Variants in LRMDA observed in about 807,000 individuals in gnomAD.
LRMDA encodes the protein leucine rich melanocyte differentiation associated.
In LRMDA, 18 loss-of-function variants were observed where a neutral mutation model predicts 29.8. That is an observed-to-expected ratio of 0.60 (90% CI 0.42 to 0.90). The LOEUF is 0.90. LRMDA is among the 40% of genes least tolerant of loss of function. The pLI is 0.00. For missense variants in LRMDA, 273 were observed against 273.9 expected, an observed-to-expected ratio of 1.00 and a Z score of 0.02; for synonymous variants, 125 against 109.4, an observed-to-expected ratio of 1.14 and a Z score of -0.89.
At chr10:76,033,878 G>C (rs1457600432) in intron 2 of LRMDA, among the ~76,000 whole-genome samples, 1 of 151,988 alleles carries the variant, frequency 6.6e-6, no homozygotes, top group Non-Finnish European at 1.5e-5. Context: ...CTTGCTGCAC[G>C]CCTCCTCTGT....
chr10:75,585,161 C>G (rs1179834071), intron 2 of LRMDA, among the ~76,000 whole-genome samples: 1 of 152,206 alleles, frequency 6.6e-6, no homozygotes, highest in Non-Finnish European at 1.5e-5. Context: ...TACCCTTTCT[C>G]TCACCAAGGG....
At chr10:76,361,210 G>A (rs916928923) in intron 6 of LRMDA, among the ~76,000 whole-genome samples, 3 of 151,634 alleles carry the variant, frequency 2.0e-5, no homozygotes, top group Non-Finnish European at 2.9e-5. Flanking sequence ...GCAGTGAGTC[G>A]AGATTGCACC....
intron 2 of LRMDA, among the ~76,000 whole-genome samples, chr10:75,477,914 C>G (rs957851724): frequency 6.6e-6 from 1 of 152,250 alleles, no homozygotes; most frequent in African/African-American, 2.4e-5. Flanking sequence ...TACTATTCCT[C>G]TTCTAATTAC....
chr10:76,169,771 G>C (rs1017841023), intron 5 of LRMDA, among the ~76,000 whole-genome samples: 4 of 152,168 alleles, frequency 2.6e-5, no homozygotes, highest in African/African-American at 9.7e-5. Flanking sequence ...GGGTTTAAAA[G>C]CTAGTGAAAA....
chr10:76,196,829 A>G (rs1170449765), intron 5 of LRMDA, among the ~76,000 whole-genome samples: 2 of 152,240 alleles, frequency 1.3e-5, no homozygotes. Flanking sequence ...ATCTTGCCGT[A>G]TTTCAACTTA....
At chr10:75,675,918 T>C (rs1799256667) in intron 2 of LRMDA, among the ~76,000 whole-genome samples, 1 of 152,212 alleles carries the variant, frequency 6.6e-6, no homozygotes, top group Non-Finnish European at 1.5e-5. Context: ...TCTCAATGTA[T>C]GGCCTGCAGT....
At chr10:75,866,568 C>T (rs548077563) in intron 2 of LRMDA, among the ~76,000 whole-genome samples, 1 of 152,290 alleles carries the variant, frequency 6.6e-6, no homozygotes, top group African/African-American at 2.4e-5. Flanking sequence ...GGGGTTCTGG[C>T]AGGAAGTTTG....
At chr10:76,062,654 C>CTGTGTG (rs1369528064) in intron 5 of LRMDA, among the ~76,000 whole-genome samples, 24,234 of 135,390 alleles carry the variant, frequency 0.18, 2,434 homozygotes, top group Middle Eastern at 0.25. Flanking sequence ...GACTTTATCT[C>CTGTGTG]TCTGTGTGTG....
chr10:76,097,430 T>C (rs1256800913), intron 5 of LRMDA, among the ~76,000 whole-genome samples: 5 of 152,206 alleles, frequency 3.3e-5, no homozygotes, highest in Admixed American at 3.3e-4. Context: ...CACAGTAACT[T>C]AGTACCACAA....
At chr10:75,661,614 T>A (rs916198559) in intron 2 of LRMDA, among the ~76,000 whole-genome samples, 10 of 152,102 alleles carry the variant, frequency 6.6e-5, no homozygotes, top group South Asian at 2.1e-4. Context: ...ATATATATAT[T>A]TTTTTCTTTG....
intron 5 of LRMDA, among the ~76,000 whole-genome samples, chr10:76,215,772 T>G (rs1851717488): frequency 6.6e-6 from 1 of 152,166 alleles, no homozygotes; most frequent in Admixed American, 6.5e-5. Flanking sequence ...AAAATGGGTG[T>G]AAGTGAGAAT....
chr10:75,566,086 A>G (rs1049618951), intron 2 of LRMDA, among the ~76,000 whole-genome samples: 14 of 152,170 alleles, frequency 9.2e-5, no homozygotes, highest in African/African-American at 3.4e-4. Context: ...AACTGAAATC[A>G]TGTACTGGAT....
At chr10:75,552,133 T>G (rs1265452979) in intron 2 of LRMDA, among the ~76,000 whole-genome samples, 6 of 152,180 alleles carry the variant, frequency 3.9e-5, no homozygotes. Flanking sequence ...TCTAGAGCTC[T>G]TTCTTTCTGT....
At chr10:75,627,180 A>G (rs1186532631) in intron 2 of LRMDA, among the ~76,000 whole-genome samples, 6 of 152,280 alleles carry the variant, frequency 3.9e-5, no homozygotes, top group South Asian at 2.1e-4. Flanking sequence ...TTTATTTTCT[A>G]TGTCTTTTAC....
intron 2 of LRMDA, among the ~76,000 whole-genome samples, chr10:75,697,234 T>G (rs1386888629): frequency 6.6e-6 from 1 of 152,114 alleles, no homozygotes; most frequent in Non-Finnish European, 1.5e-5. Context: ...AGTGATTTGG[T>G]CTAGAGAATG....
intron 2 of LRMDA, among the ~76,000 whole-genome samples, chr10:75,868,653 G>A (rs1169022379): frequency 6.6e-6 from 1 of 152,108 alleles, no homozygotes; most frequent in East Asian, 1.9e-4. Flanking sequence ...CTCTGATGTT[G>A]GCTGGGCATT....
chr10:76,343,963 C>T (rs1450826609), intron 6 of LRMDA, among the ~76,000 whole-genome samples: 2 of 151,702 alleles, frequency 1.3e-5, no homozygotes, highest in Non-Finnish European at 2.9e-5. Context: ...GATTACAGAC[C>T]CGTGCCACCA....
intron 6 of LRMDA, among the ~76,000 whole-genome samples, chr10:76,503,472 G>T (rs1373147163): frequency 2.0e-5 from 3 of 147,614 alleles, no homozygotes; most frequent in Non-Finnish European, 4.5e-5. Flanking sequence ...TTGATTGGTA[G>T]TTTTTTTTTT....
intron 6 of LRMDA, among the ~76,000 whole-genome samples, chr10:76,383,243 G>A (rs1363343984): frequency 6.6e-6 from 1 of 151,960 alleles, no homozygotes; most frequent in Admixed American, 6.6e-5. Flanking sequence ...TCAGTAACAG[G>A]CACCTGCCAA....
Sources: allele counts gnomAD v4.1 joint callset (sites outside exome capture counted in the v4.1 genomes callset), GRCh38; gene constraint gnomAD v4.1.1; transcripts MANE v1.5; gene names NCBI Gene and HGNC (gene_info 2026-07-23, HGNC 2026-07-21).